The following KLF12 variants were observed in gnomAD, a reference collection of about 807,000 sequenced individuals.
KLF12 encodes the protein Krueppel-like factor 12.
In KLF12, 9 loss-of-function variants were observed where a neutral mutation model predicts 37.8. The ratio of observed to expected loss-of-function variants is 0.24; its 90% CI spans 0.14 to 0.42. KLF12 has a LOEUF of 0.42. Among genes scored for constraint, KLF12 ranks in the 10% least tolerant of loss-of-function variants. The pLI is 1.00. For synonymous variants in KLF12, 208 were observed against 202.1 expected (o/e 1.03, Z -0.25); for missense variants, 411 against 516.0 (o/e 0.80, Z 1.97).
the KLF12 span, among the ~76,000 whole-genome samples, chr13:74,140,996 A>T: frequency 1.3e-5 from 2 of 151,876 alleles, no homozygotes; most frequent in African/African-American, 2.4e-5. Flanking sequence ...ACCTGGGAGG[A>T]GGAGCTTGCA....
At chr13:73,885,277 C>T (rs1236687189) in intron 3 of KLF12, among the ~76,000 whole-genome samples, 1 of 152,212 alleles carries the variant, frequency 6.6e-6, no homozygotes, top group Non-Finnish European at 1.5e-5. Flanking sequence ...TCAACACCTA[C>T]CTAGTAATTC....
upstream of KLF12, among the ~76,000 whole-genome samples, chr13:74,135,541 A>G (rs1878520076): frequency 6.6e-6 from 1 of 150,888 alleles, no homozygotes; most frequent in South Asian, 2.1e-4. Flanking sequence ...GCGCGGGGTC[A>G]GCGCCGAGCC....
intron 3 of KLF12, among the ~76,000 whole-genome samples, chr13:73,847,863 A>T (rs74775679): frequency 0.066 from 10,033 of 152,268 alleles, 400 homozygotes; most frequent in African/African-American, 0.095. Context: ...TGCTTTGATA[A>T]AAGCTATTAG....
At chr13:74,200,333 G>A in the KLF12 span, among the ~76,000 whole-genome samples, 2 of 152,100 alleles carry the variant, frequency 1.3e-5, no homozygotes, top group Non-Finnish European at 2.9e-5. Context: ...ATGTTTATTG[G>A]CAGTAGAACT....
At chr13:73,961,456 G>A (rs368498946) in intron 2 of KLF12, among the ~76,000 whole-genome samples, 28 of 152,208 alleles carry the variant, frequency 1.8e-4, no homozygotes, top group African/African-American at 6.7e-4. Context: ...GACAAAGATG[G>A]AAGACACAGA....
intron 3 of KLF12, among the ~76,000 whole-genome samples, chr13:73,911,181 T>C (rs1888551676): frequency 6.6e-6 from 1 of 152,154 alleles, no homozygotes; most frequent in Non-Finnish European, 1.5e-5. Flanking sequence ...TGTGTGCACA[T>C]CAGGACATCT....
chr13:74,012,395 T>C (rs1892574060), intron 1 of KLF12, among the ~76,000 whole-genome samples: 1 of 152,164 alleles, frequency 6.6e-6, no homozygotes, highest in Non-Finnish European at 1.5e-5. Flanking sequence ...TAACCCAATA[T>C]CTATTCCTGA....
intron 3 of KLF12, among the ~76,000 whole-genome samples, chr13:73,880,896 T>C (rs1594206691): frequency 6.6e-6 from 1 of 152,326 alleles, no homozygotes; most frequent in Non-Finnish European, 1.5e-5. Flanking sequence ...TTAAAAAGAC[T>C]AGACAATGTT....
At position 73,846,347 on chromosome 13, in the gene KLF12, A is replaced by G. The variant is rs1885021483; in HGVS notation, c.150T>C (p.Asp50=). 1.2e-6 allele frequency: 2 copies of G among 1,613,484 alleles called. No individual in the cohort carries two copies. The highest frequency in any genetic ancestry group is 1.7e-6 in the Non-Finnish European group (2 of 1,179,888). ...TTAGCAACAGGGGAACGGCTTCCAT[A>G]TCGGGATAGTTGTGGACGTTTGGAG... The change falls in exon 4 of 8, where the codon GAT becomes GAC. Residue 50 remains aspartate, a synonymous_variant. Coordinates refer to ENST00000377669, the MANE Select transcript of KLF12 (RefSeq NM_007249.5).
rs576670440 is a variant in KLF12, at chr13:73,823,562, T to C, written c.671-10275A>G. Among the ~76,000 whole-genome samples, 3 of 152,334 alleles carry C rather than the reference T, an allele frequency of 2.0e-5. No individual in the cohort carries two copies. The South Asian group carries it at 6.2e-4, about 32-fold the overall frequency. On this transcript the variant is annotated intron_variant, in intron 4 of 7. Transcript: ENST00000377669. ...GATAAGTCTTGATACATAATCATGA[T>C]TGAATTCCTTTTAGAAGCAGAGTAG...
In KLF12 at chr13:73,692,459, CA is replaced by C. The variant is rs1398753194; in HGVS notation, c.*3030del. On this transcript the variant is annotated 3_prime_UTR_variant, in exon 8 of 8. Transcript: ENST00000377669. The stretch of plus-strand genomic sequence containing the variant: ...CCAACCATGCACATATCCCCAGCTG[CA>C]AACTGAACAGCTTCAAATTTAAAAT... 1 of 152,624 alleles carries C rather than the reference CA, an allele frequency of 6.6e-6. No homozygotes were observed. The highest frequency in any genetic ancestry group is 1.5e-5 in the Non-Finnish European group (1 of 68,036). 9.5% of individuals were successfully genotyped at this position (152,624 alleles called of 1,614,324 possible). A position where few individuals can be genotyped will look rare whatever the true frequency, so the allele number is the denominator to read the frequency against.
the KLF12 span, among the ~76,000 whole-genome samples, chr13:74,202,772 G>A: frequency 6.6e-6 from 1 of 152,118 alleles, no homozygotes; most frequent in Non-Finnish European, 1.5e-5. Flanking sequence ...AGAATTTTAT[G>A]AGTTAGGCAA....
intron 3 of KLF12, among the ~76,000 whole-genome samples, chr13:73,863,138 T>TA (rs1019180029): frequency 1.3e-5 from 2 of 152,146 alleles, no homozygotes; most frequent in Non-Finnish European, 2.9e-5. Context: ...TTGTATTTCT[T>TA]AAACACATGC....
intron 1 of KLF12, among the ~76,000 whole-genome samples, chr13:74,052,553 A>T (rs1872990819): frequency 6.6e-6 from 1 of 152,166 alleles, no homozygotes; most frequent in African/African-American, 2.4e-5. Flanking sequence ...TTATTTACCC[A>T]GCCCAGCGCC....
the KLF12 span, among the ~76,000 whole-genome samples, chr13:74,251,802 T>G: frequency 6.6e-6 from 1 of 152,198 alleles, no homozygotes; most frequent in Non-Finnish European, 1.5e-5. Flanking sequence ...GAGGGTTAAT[T>G]AGGGAACTTG....
At chr13:74,089,447 T>C (rs1161790323) in intron 1 of KLF12, among the ~76,000 whole-genome samples, 1 of 152,082 alleles carries the variant, frequency 6.6e-6, no homozygotes, top group Non-Finnish European at 1.5e-5. Context: ...AAGTTGAAAA[T>C]TCCACAGATA....
chr13:73,881,888 A>G (rs1886999149), intron 3 of KLF12, among the ~76,000 whole-genome samples: 1 of 152,204 alleles, frequency 6.6e-6, no homozygotes, highest in South Asian at 2.1e-4. Context: ...AAGTGGCATT[A>G]TGTTCTCTAT....
chr13:73,744,513 G>T (rs1878229723), intron 6 of KLF12, among the ~76,000 whole-genome samples: 2 of 151,840 alleles, frequency 1.3e-5, no homozygotes, highest in Admixed American at 1.3e-4. Flanking sequence ...AGGTGACTGG[G>T]GCCTGTGTGA....
intron 3 of KLF12, among the ~76,000 whole-genome samples, chr13:73,868,265 T>C (rs1886280304): frequency 3.6e-5 from 4 of 110,722 alleles, no homozygotes; most frequent in Admixed American, 2.8e-4. Context: ...TGAGCCGAGA[T>C]GGTACTCCAG....
Sources: allele counts gnomAD v4.1 joint callset (sites outside exome capture counted in the v4.1 genomes callset), GRCh38; gene constraint gnomAD v4.1.1; transcripts MANE v1.5; gene names NCBI Gene and HGNC (gene_info 2026-07-23, HGNC 2026-07-21).